The following KANSL1L variants were observed in gnomAD, a reference collection of about 807,000 sequenced individuals.
The protein encoded by KANSL1L is KAT8 regulatory NSL complex subunit 1-like protein.
KANSL1L carries 25 observed loss-of-function variants against 108.6 expected under a neutral mutation model. That is an observed-to-expected ratio of 0.23 (90% confidence interval 0.17 to 0.32). KANSL1L has a LOEUF of 0.32. Ranked by LOEUF, KANSL1L falls within the 10% of genes least tolerant of loss-of-function variation. The probability of loss-of-function intolerance (pLI) is 1.00; values close to 1 mark genes in which losing one functional copy is unlikely to be tolerated. For synonymous variants in KANSL1L, 405 were observed against 395.1 expected (o/e 1.03, Z -0.30); for missense variants, 1,137 against 1,125.7 (o/e 1.01, Z -0.14).
intron 1 of KANSL1L, among the ~76,000 whole-genome samples, chr2:210,155,782 A>G (rs1261582319): frequency 6.6e-6 from 1 of 152,242 alleles, no homozygotes; most frequent in Non-Finnish European, 1.5e-5. Flanking sequence ...TTTTAAAGAT[A>G]CCTAGTATTT....
intron 4 of KANSL1L, among the ~76,000 whole-genome samples, chr2:210,100,226 C>CT (rs2094780571): frequency 6.6e-6 from 1 of 152,124 alleles, no homozygotes; most frequent in South Asian, 2.1e-4. Context: ...TTATAAGACT[C>CT]TAATGCCTGA....
intron 4 of KANSL1L, among the ~76,000 whole-genome samples, chr2:210,099,772 T>C (rs1478791110): frequency 6.6e-6 from 1 of 151,946 alleles, no homozygotes; most frequent in African/African-American, 2.4e-5. Context: ...GAAATTACAA[T>C]CCCTATCTTT....
At chr2:210,092,607 G>A (rs2094701785) in intron 5 of KANSL1L, among the ~76,000 whole-genome samples, 1 of 152,122 alleles carries the variant, frequency 6.6e-6, no homozygotes, top group Non-Finnish European at 1.5e-5. Flanking sequence ...TCAGTGTTTG[G>A]TAATTCTAAT....
chr2:210,029,713 G>T, intron 10 of KANSL1L, 90 bp downstream of exon 10: 1 of 647,566 alleles, frequency 1.5e-6, no homozygotes, highest in Non-Finnish European at 2.7e-6. Context: ...TAGTAAGGCT[G>T]TTATAGATTA....
At chr2:210,050,853 C>T (rs2094284796) in intron 6 of KANSL1L, among the ~76,000 whole-genome samples, 1 of 152,194 alleles carries the variant, frequency 6.6e-6, no homozygotes, top group South Asian at 2.1e-4. Flanking sequence ...AAGTGATCCT[C>T]CCACCTCAGC....
intron 6 of KANSL1L, among the ~76,000 whole-genome samples, chr2:210,054,392 C>T (rs1338077245): frequency 2.0e-5 from 3 of 151,154 alleles, no homozygotes; most frequent in African/African-American, 4.9e-5. Flanking sequence ...GCAAAAAAGC[C>T]CAAAATTTTA....
intron 3 of KANSL1L, among the ~76,000 whole-genome samples, chr2:210,124,714 G>C (rs1164132552): frequency 6.6e-6 from 1 of 152,024 alleles, no homozygotes; most frequent in Admixed American, 6.6e-5. Flanking sequence ...ACTAAAAGTG[G>C]ATTCTTTGAA....
At chr2:210,169,882 A>G (rs1688227081) in intron 1 of KANSL1L, among the ~76,000 whole-genome samples, 1 of 152,246 alleles carries the variant, frequency 6.6e-6, no homozygotes, top group African/African-American at 2.4e-5. Flanking sequence ...TATAAAAATA[A>G]CACTACTTGG....
intron 2 of KANSL1L, among the ~76,000 whole-genome samples, chr2:210,141,177 TCTTTCTCTCC>T (rs2095225761): frequency 6.7e-6 from 1 of 148,438 alleles, no homozygotes; most frequent in Non-Finnish European, 1.5e-5. Context: ...TTCTTTCTTT[TCTTTCTCTCC>T]CTTTCTCTTT....
intron 2 of KANSL1L, among the ~76,000 whole-genome samples, chr2:210,143,491 ACTGTTTT>A (rs1485973504): frequency 1.3e-5 from 2 of 152,056 alleles, no homozygotes; most frequent in Middle Eastern, 6.8e-3. Context: ...CTTTGTGTTC[ACTGTTTT>A]CTGTTTTCGT....
At chr2:210,031,131 A>G in intron 9 of KANSL1L, 1 of 258,442 alleles carries the variant, frequency 3.9e-6, no homozygotes, top group African/African-American at 2.3e-5. Flanking sequence ...TATTTTGAGC[A>G]TAGAACACAA....
intron 5 of KANSL1L, among the ~76,000 whole-genome samples, chr2:210,093,860 T>C (rs1406044780): frequency 1.3e-5 from 2 of 152,180 alleles, no homozygotes; most frequent in African/African-American, 4.8e-5. Flanking sequence ...ATGTTGTCTA[T>C]ATAAAAATAG....
chr2:210,098,000 A>G (rs1575524578), intron 5 of KANSL1L, 86 bp downstream of exon 5: 1 of 1,190,082 alleles, frequency 8.4e-7, no homozygotes, highest in Non-Finnish European at 1.2e-6. Flanking sequence ...AAGTAGCTAT[A>G]ATACTTAAAA....
intron 2 of KANSL1L, among the ~76,000 whole-genome samples, chr2:210,131,256 T>C (rs1487955058): frequency 1.3e-5 from 2 of 152,172 alleles, no homozygotes; most frequent in East Asian, 3.9e-4. Flanking sequence ...TAGCCTATTC[T>C]GACTAAAACA....
At chr2:210,117,991 C>T (rs1232369025) in intron 3 of KANSL1L, among the ~76,000 whole-genome samples, 5 of 146,144 alleles carry the variant, frequency 3.4e-5, no homozygotes, top group South Asian at 2.2e-4. Context: ...TGGAGAAACC[C>T]CGTCTCTACT....
At chr2:210,148,524 G>A (rs1181764114) in intron 2 of KANSL1L, among the ~76,000 whole-genome samples, 1 of 152,180 alleles carries the variant, frequency 6.6e-6, no homozygotes, top group African/African-American at 2.4e-5. Flanking sequence ...TACAGTGGAA[G>A]GACTATATCT....
chr2:210,157,582 T>C (rs563158064), intron 1 of KANSL1L, among the ~76,000 whole-genome samples: 1 of 149,390 alleles, frequency 6.7e-6, no homozygotes, highest in East Asian at 2.0e-4. Flanking sequence ...TCCCAGCTAC[T>C]TGAGAGGCTA....
At chr2:210,109,135 A>G (rs2094880243) in intron 3 of KANSL1L, among the ~76,000 whole-genome samples, 1 of 152,066 alleles carries the variant, frequency 6.6e-6, no homozygotes. Flanking sequence ...ACCCATAAGT[A>G]TTCTCTCTAT....
chr2:210,096,364 G>T, intron 5 of KANSL1L: 1 of 278,022 alleles, frequency 3.6e-6, no homozygotes, highest in Non-Finnish European at 5.5e-6. Context: ...ACCAGACTGT[G>T]AGTTATTCAC....
Sources: allele counts gnomAD v4.1 joint callset (sites outside exome capture counted in the v4.1 genomes callset), GRCh38; gene constraint gnomAD v4.1.1; transcripts MANE v1.5; gene names NCBI Gene and HGNC (gene_info 2026-07-23, HGNC 2026-07-21).